TEKT1: variants seen among roughly 807,000 people sequenced by gnomAD.
The protein encoded by TEKT1 is tektin-1.
A neutral mutation model predicts 34.8 loss-of-function variants in TEKT1; 32 were observed. The ratio of observed to expected loss-of-function variants is 0.92; its 90% confidence interval spans 0.69 to 1.23. TEKT1 has a LOEUF of 1.23. Ranked by LOEUF, TEKT1 falls within the 50% of genes most tolerant of loss-of-function variation. The pLI, the probability that TEKT1 is intolerant of heterozygous loss-of-function variation, is 0.00. For synonymous variants in TEKT1, 207 were observed against 199.8 expected, an observed-to-expected ratio of 1.04 and a Z score of -0.30; for missense variants, 492 against 518.5, an observed-to-expected ratio of 0.95 and a Z score of 0.50.
intron 2 of TEKT1, among the ~76,000 whole-genome samples, chr17:6,823,404 C>T (rs556453291): frequency 4.6e-5 from 7 of 152,290 alleles, no homozygotes; most frequent in African/African-American, 1.7e-4. Context: ...TATTTGTCTA[C>T]TGTTGCTTCC....
intron 6 of TEKT1, among the ~76,000 whole-genome samples, chr17:6,812,562 T>A (rs772377858): frequency 1.1e-4 from 16 of 152,128 alleles, no homozygotes; most frequent in Admixed American, 2.6e-4. Context: ...AAGCCTCCCG[T>A]CTCCTGCCTC....
chr17:6,816,543 C>T (rs1205369767), intron 3 of TEKT1, among the ~76,000 whole-genome samples: 1 of 152,158 alleles, frequency 6.6e-6, no homozygotes. Flanking sequence ...CATCCATGTC[C>T]CTGCAAAGGA....
Position 6,820,111 on chromosome 17 carries a change from G to A in TEKT1, c.191-753C>T, listed in dbSNP as rs550775211. On this transcript the variant is annotated intron_variant, in intron 2 of 7. Transcript: ENST00000338694. ...TAACCAACTCACACAACATACTTCC[G>A]TCTCCCAATATAGTTGTATCACCAT... Among the ~76,000 whole-genome samples, 17 of 152,038 alleles carry A rather than the reference G, an allele frequency of 1.1e-4. No individual in the cohort carries two copies. The South Asian group carries it at 2.5e-3, about 22-fold the overall frequency.
At chr17:6,805,672 G>A (rs1275989174) in intron 6 of TEKT1, among the ~76,000 whole-genome samples, 1 of 152,128 alleles carries the variant, frequency 6.6e-6, no homozygotes, top group East Asian at 1.9e-4. Context: ...TTGTGTCTTT[G>A]TTCTCATTGG....
At chr17:6,825,701 A>G (rs1004158124) in intron 2 of TEKT1, among the ~76,000 whole-genome samples, 4 of 152,212 alleles carry the variant, frequency 2.6e-5, no homozygotes, top group African/African-American at 4.8e-5. Context: ...TTTACTTTAC[A>G]TAAATAGAAT....
intron 1 of TEKT1, 43 bp from the exon 2 acceptor site, chr17:6,830,436 G>A (rs1035998822): frequency 6.0e-6 from 8 of 1,335,012 alleles, no homozygotes; most frequent in Non-Finnish European, 8.1e-6. Flanking sequence ...AAAGCAATTT[G>A]TCCTTTTTTA....
rs1221651762 is a variant in TEKT1, at chr17:6,811,098, C to G, written c.852+1733G>C. Among the ~76,000 whole-genome samples, 1 of 151,994 alleles carries G rather than the reference C, an allele frequency of 6.6e-6. No homozygotes were observed. The highest frequency in any genetic ancestry group is 2.4e-5 in the African/African-American group (1 of 41,412). On this transcript the variant is annotated intron_variant, in intron 6 of 7. Transcript: ENST00000338694. This position sits in a 1 kb window ranked among gnomAD's most constrained non-coding sequence, Gnocchi z 4.4. ...TATGTCTTTGTTTCTGCTCCTTAGC[C>G]TCTTCTCTTCCTCTCTTCTCTTCTC...
At chr17:6,821,404 TC>T (rs1047178061) in intron 2 of TEKT1, among the ~76,000 whole-genome samples, 7 of 152,208 alleles carry the variant, frequency 4.6e-5, no homozygotes, top group African/African-American at 1.7e-4. Context: ...GTGAAGAAGG[TC>T]CTTGTTTTCT....
intron 2 of TEKT1, among the ~76,000 whole-genome samples, chr17:6,825,395 T>A (rs1167405926): frequency 5.9e-5 from 9 of 152,216 alleles, no homozygotes; most frequent in Non-Finnish European, 1.2e-4. Context: ...TGGACTCATC[T>A]CTACTTTCAG....
intron 1 of TEKT1, 135 bp downstream of exon 1, chr17:6,831,514 G>A (rs1228217934): frequency 6.6e-6 from 1 of 152,172 alleles, no homozygotes. Context: ...TTTAACCCAA[G>A]GCTCCTGGAT....
At chr17:6,826,896 C>CGT (rs1904421088) in intron 2 of TEKT1, among the ~76,000 whole-genome samples, 1 of 152,032 alleles carries the variant, frequency 6.6e-6, no homozygotes, top group African/African-American at 2.4e-5. Context: ...GGAGTTTCAC[C>CGT]ATGCTAGCCA....
At chr17:6,808,497 C>T (rs1976880997) in intron 6 of TEKT1, among the ~76,000 whole-genome samples, 1 of 152,148 alleles carries the variant, frequency 6.6e-6, no homozygotes, top group Non-Finnish European at 1.5e-5. Flanking sequence ...CCGACACTCC[C>T]CAGTGAGATG....
In TEKT1 at chr17:6,804,900, A is replaced by G. The variant is rs545753688; in HGVS notation, c.853-3957T>C. ...GAGGATTTTTGCATCAATGTTCATC[A>G]GGGATATTGGTCTAAAATTCTCTCT... On this transcript the variant is annotated intron_variant, in intron 6 of 7. Transcript: ENST00000338694. Among the ~76,000 whole-genome samples, 6 of 152,296 alleles carry G rather than the reference A, an allele frequency of 3.9e-5. No individual in the cohort carries two copies. The South Asian group carries it at 1.2e-3, about 32-fold the overall frequency.
Position 6,800,002 on chromosome 17 carries a change from A to G in TEKT1, c.*25T>C. On this transcript the variant is annotated 3_prime_UTR_variant, in exon 8 of 8. Coordinates refer to ENST00000338694, the MANE Select transcript of TEKT1 (RefSeq NM_053285.2). ...TAACTACTGTTTACAATGTGGTTTA[A>G]TGAGAATTGGAACTAGCCCTACTAT... 6.3e-7 allele frequency: 1 copy of G among 1,590,910 alleles called. No individual in the cohort carries two copies. The highest frequency in any genetic ancestry group is 8.5e-7 in the Non-Finnish European group (1 of 1,174,372).
chr17:6,815,581 G>A (rs760589235), intron 4 of TEKT1, among the ~76,000 whole-genome samples: 5 of 152,212 alleles, frequency 3.3e-5, no homozygotes, highest in Non-Finnish European at 5.9e-5. Context: ...AGCCTCACCA[G>A]TGGGTTCCAG....
chr17:6,805,150 T>C (rs1976826697), intron 6 of TEKT1, among the ~76,000 whole-genome samples: 1 of 152,228 alleles, frequency 6.6e-6, no homozygotes, highest in African/African-American at 2.4e-5. Context: ...GAGCCTGTTA[T>C]TGGTCTATTC....
intron 2 of TEKT1, among the ~76,000 whole-genome samples, chr17:6,829,436 C>T (rs1243832853): frequency 6.6e-6 from 1 of 151,970 alleles, no homozygotes; most frequent in Non-Finnish European, 1.5e-5. Context: ...CACATCTTCC[C>T]ATATACTTTC....
intron 6 of TEKT1, among the ~76,000 whole-genome samples, chr17:6,801,511 C>A (rs1293132751): frequency 6.6e-6 from 1 of 152,074 alleles, no homozygotes; most frequent in African/African-American, 2.4e-5. Context: ...AGTTCGAGAC[C>A]AGCCTGCCAA....
At chr17:6,814,919 A>G in intron 5 of TEKT1, 1 of 446,560 alleles carries the variant, frequency 2.2e-6, no homozygotes. Context: ...GTATAGATGA[A>G]GGAATAAAAT....
Sources: allele counts gnomAD v4.1 joint callset (sites outside exome capture counted in the v4.1 genomes callset), GRCh38; gene constraint gnomAD v4.1.1; non-coding constraint Gnocchi (gnomAD v3.1); transcripts MANE v1.5; gene names NCBI Gene and HGNC (gene_info 2026-07-23, HGNC 2026-07-21).